VPS13B: variants seen among roughly 807,000 people sequenced by gnomAD.
The protein encoded by VPS13B is vacuolar protein sorting 13 homolog B.
In VPS13B, 285 loss-of-function variants were observed where a neutral mutation model predicts 426.4. The observed-to-expected ratio is 0.67, with a 90% CI of 0.61 to 0.74. The LOEUF is 0.74. Ranked by LOEUF, VPS13B falls within the 30% of genes least tolerant of loss-of-function variation. The pLI, the probability that VPS13B is intolerant of heterozygous loss-of-function variation, is 0.00. For missense variants in VPS13B, 4,537 were observed against 4,782.6 expected (o/e 0.95, Z 1.51); for synonymous variants, 1,676 against 1,676.4 (o/e 1.00, Z 0.01).
At chr8:99,560,575 A>C (rs1268780658) in intron 31 of VPS13B, among the ~76,000 whole-genome samples, 1 of 152,178 alleles carries the variant, frequency 6.6e-6, no homozygotes, top group Non-Finnish European at 1.5e-5. Context: ...CAAGTGATTG[A>C]ATGTGCCCCT....
At chr8:99,555,964 G>A (rs1299428586) in intron 30 of VPS13B, among the ~76,000 whole-genome samples, 2 of 152,054 alleles carry the variant, frequency 1.3e-5, no homozygotes, top group African/African-American at 4.8e-5. Flanking sequence ...AGAAATCAAA[G>A]CTCAGAAGAA....
At chr8:99,739,481 C>T (rs1833977339) in intron 39 of VPS13B, among the ~76,000 whole-genome samples, 1 of 152,236 alleles carries the variant, frequency 6.6e-6, no homozygotes, top group South Asian at 2.1e-4. Context: ...AGTAGTGGTT[C>T]TCCCTGCACA....
rs1563523342 is a variant in VPS13B at position 99,876,030 on chromosome 8, C to CAG, written c.*367_*368dup. ...GGGCCCTATATGTTCTTACCACATA[C>CAG]AGAGGATGCATTTATTTTTGCTCTA... On this transcript the variant is annotated 3_prime_UTR_variant, in exon 62 of 62. Transcript: ENST00000357162. 1.5e-5 allele frequency: 4 copies of CAG among 262,378 alleles called. No homozygotes were observed. Among genetic ancestry groups the CAG allele is most frequent in the East Asian group, 9.1e-5 (1 of 10,946 alleles). 16.3% of individuals were successfully genotyped at this position (262,378 alleles called of 1,614,324 possible).
chr8:99,601,403 T>C (rs1298201707), intron 33 of VPS13B, among the ~76,000 whole-genome samples: 1 of 152,238 alleles, frequency 6.6e-6, no homozygotes, highest in African/African-American at 2.4e-5. Context: ...CTGTCATTGA[T>C]GGGCATTCAG....
At chr8:99,035,739 A>ACCT (rs142402749) in intron 2 of VPS13B, among the ~76,000 whole-genome samples, 4,370 of 151,686 alleles carry the variant, frequency 0.029, 84 homozygotes, top group Non-Finnish European at 0.041. Context: ...TTGTTGAGGA[A>ACCT]CCTCCATATT....
intron 35 of VPS13B, among the ~76,000 whole-genome samples, chr8:99,671,682 G>A (rs1830722526): frequency 6.6e-6 from 1 of 152,026 alleles, no homozygotes; most frequent in Non-Finnish European, 1.5e-5. Context: ...TTGAGTGACG[G>A]AGTCTCACTC....
At position 99,748,991 on chromosome 8, in the gene VPS13B, C is replaced by G. The variant is rs949573275; in HGVS notation, c.7051-17783C>G. Among the ~76,000 whole-genome samples the G allele has an allele frequency of 7.9e-5, 12 of 151,950 alleles. No homozygotes were observed. The East Asian group carries it at 1.9e-3, about 24-fold the overall frequency. ...GTGGGTTGGGGAAATTGCTGACAAA[C>G]TATATACTCAGGAGTATATAGTTTA... On this transcript the variant is annotated intron_variant, in intron 39 of 61. Coordinates refer to ENST00000357162, the MANE Select transcript of VPS13B (RefSeq NM_152564.5).
chr8:99,510,970 G>A (rs762855804), intron 28 of VPS13B, 134 bp from the exon 29 acceptor site: 3 of 937,328 alleles, frequency 3.2e-6, no homozygotes, highest in Non-Finnish European at 4.9e-6. Context: ...GAATTGATCA[G>A]TCATGTGTTT....
At position 99,861,877 on chromosome 8, in the gene VPS13B, C is replaced by T. The variant is rs773324603; in HGVS notation, c.11146C>T (p.Arg3716Trp). 41 of 1,595,606 alleles carry T rather than the reference C, an allele frequency of 2.6e-5. 1 individual carries two copies. Among genetic ancestry groups the T allele is most frequent in the South Asian group, 5.7e-5 (5 of 88,018 alleles). The change falls in exon 58 of 62, where the codon CGG (arginine) becomes TGG (tryptophan). Residue 3716 changes from arginine (R) to tryptophan (W), a missense_variant. Transcript: ENST00000357162. Reference sequence around the variant, plus strand: ...CTACAACCGGCAGGAGGAGTGGCGGCGGCAGCTCCCCGAGAGCCTGGGCGA... The same window carrying T: ...CTACAACCGGCAGGAGGAGTGGCGGTGGCAGCTCCCCGAGAGCCTGGGCGA... ...EHYNRQEEWR[R>W]QLPESLGEGL... is the part of the protein sequence containing the mutation.
At chr8:99,582,920 T>G (rs774175785) in intron 33 of VPS13B, among the ~76,000 whole-genome samples, 78 of 152,266 alleles carry the variant, frequency 5.1e-4, no homozygotes, top group East Asian at 9.7e-4. Flanking sequence ...CTCCCAAAGT[T>G]CTGGGATTAC....
At chr8:99,334,057 A>G (rs1418011965) in intron 19 of VPS13B, among the ~76,000 whole-genome samples, 1 of 151,894 alleles carries the variant, frequency 6.6e-6, no homozygotes, top group Admixed American at 6.6e-5. Flanking sequence ...GTGGACATAT[A>G]TTGTCATTTC....
At chr8:99,492,107 C>T (rs1820636825) in intron 25 of VPS13B, among the ~76,000 whole-genome samples, 1 of 152,082 alleles carries the variant, frequency 6.6e-6, no homozygotes, top group Non-Finnish European at 1.5e-5. Flanking sequence ...GTTTTCCTTC[C>T]AGCAGTCAGG....
In VPS13B at chr8:99,156,576, A is replaced by C; in HGVS notation, c.2041A>C (p.Asn681His). 6.2e-7 allele frequency: 1 copy of C among 1,614,070 alleles called. No homozygotes were observed. Among genetic ancestry groups the C allele is most frequent in the Middle Eastern group, 1.6e-4 (1 of 6,062 alleles). ...CTCAAGTAACTTCATGAATACTACAAACTTCCAGTCTCTTCGGCCTTTGCC... is the reference window on the plus strand; with the variant it reads ...CTCAAGTAACTTCATGAATACTACACACTTCCAGTCTCTTCGGCCTTTGCC... Reference protein sequence around the residue: ...KNSSNFMNTTNFQSLRPLPSI... With the variant: ...KNSSNFMNTTHFQSLRPLPSI... The change falls in exon 15 of 62, where the codon AAC becomes CAC. Residue 681 changes from asparagine to histidine, a missense_variant. Coordinates refer to ENST00000357162, the MANE Select transcript of VPS13B (RefSeq NM_152564.5).
intron 19 of VPS13B, among the ~76,000 whole-genome samples, chr8:99,369,670 G>A (rs1813075349): frequency 6.6e-6 from 1 of 152,192 alleles, no homozygotes. Flanking sequence ...AGATAAAGCA[G>A]TTGTTTTTAG....
chr8:99,044,375 G>C (rs1041459575), intron 3 of VPS13B, among the ~76,000 whole-genome samples: 3 of 150,774 alleles, frequency 2.0e-5, no homozygotes, highest in Non-Finnish European at 4.4e-5. Context: ...GAGCCACCGC[G>C]CCCGGCCTCT....
intron 35 of VPS13B, among the ~76,000 whole-genome samples, chr8:99,674,079 T>A (rs1269193983): frequency 6.6e-6 from 1 of 152,032 alleles, no homozygotes; most frequent in East Asian, 1.9e-4. Flanking sequence ...GGATGGAACA[T>A]TCTGTATATG....
chr8:99,654,031 G>GATGATT (rs1457567850), intron 34 of VPS13B, among the ~76,000 whole-genome samples: 8 of 149,854 alleles, frequency 5.3e-5, no homozygotes, highest in African/African-American at 1.5e-4. Context: ...TGATGATGAT[G>GATGATT]ATTATTATTA....
intron 38 of VPS13B, 128 bp from the exon 39 acceptor site, chr8:99,720,735 A>AAT (rs1833098893): frequency 3.6e-6 from 4 of 1,117,988 alleles, no homozygotes; most frequent in East Asian, 2.6e-5. Flanking sequence ...TCTGTTCCAG[A>AAT]ATATATATAA....
At chr8:99,752,772 C>T (rs1214150548) in intron 39 of VPS13B, among the ~76,000 whole-genome samples, 2 of 152,176 alleles carry the variant, frequency 1.3e-5, no homozygotes, top group African/African-American at 2.4e-5. Flanking sequence ...TTATCTACCT[C>T]TGAATGTAAA....
Sources: gnomAD v4.1 joint callset for allele counts (sites outside exome capture counted in the v4.1 genomes callset) on GRCh38, gnomAD v4.1.1 for gene constraint, MANE v1.5 for transcripts, NCBI Gene and HGNC (gene_info 2026-07-23, HGNC 2026-07-21) for gene names.